Variants in NBAS observed in about 807,000 individuals in gnomAD.
NBAS encodes NAG/BC035112 fusion.
NBAS carries 219 observed loss-of-function variants against 302.5 expected under a neutral mutation model. That is an observed-to-expected ratio of 0.72 (90% confidence interval 0.65 to 0.81). NBAS has a LOEUF of 0.81. Among genes scored for constraint, NBAS ranks in the 30% least tolerant of loss-of-function variants. NBAS has a pLI of 0.00. For missense variants in NBAS, 2,932 were observed against 2,841.6 expected (o/e 1.03, Z -0.72); for synonymous variants, 1,118 against 1,021.6 (o/e 1.09, Z -1.80).
the NBAS span, among the ~76,000 whole-genome samples, chr2:15,002,701 G>T: frequency 1.3e-5 from 2 of 152,224 alleles, no homozygotes; most frequent in Non-Finnish European, 2.9e-5. Flanking sequence ...GCTAAGGCCC[G>T]GCCAGAAATC....
At chr2:15,430,288 C>G (rs950582993) in intron 21 of NBAS, among the ~76,000 whole-genome samples, 5 of 152,056 alleles carry the variant, frequency 3.3e-5, no homozygotes, top group Non-Finnish European at 5.9e-5. Flanking sequence ...TTAATCAAAA[C>G]AGATTTTCAC....
the NBAS span, among the ~76,000 whole-genome samples, chr2:15,116,881 A>T: frequency 6.6e-6 from 1 of 152,210 alleles, no homozygotes; most frequent in African/African-American, 2.4e-5. Flanking sequence ...TTTTTTAATC[A>T]GAAAAAAATC....
chr2:15,069,588 A>G, the NBAS span, among the ~76,000 whole-genome samples: 1 of 152,182 alleles, frequency 6.6e-6, no homozygotes, highest in African/African-American at 2.4e-5. Context: ...TAAAAGAGAT[A>G]GCAAAAATGG....
the NBAS span, among the ~76,000 whole-genome samples, chr2:14,840,546 A>G: frequency 6.6e-6 from 1 of 152,078 alleles, no homozygotes. Context: ...GAAGCAAATA[A>G]CACATAAAGG....
At chr2:15,224,897 C>A (rs1233496202) in intron 47 of NBAS, among the ~76,000 whole-genome samples, 3 of 152,152 alleles carry the variant, frequency 2.0e-5, no homozygotes, top group Non-Finnish European at 4.4e-5. Flanking sequence ...CAGACACTTC[C>A]CAGGAGAATG....
chr2:15,404,064 G>A (rs1291642990), intron 25 of NBAS, among the ~76,000 whole-genome samples: 1 of 151,934 alleles, frequency 6.6e-6, no homozygotes, highest in Non-Finnish European at 1.5e-5. Flanking sequence ...TTGTGTGCCA[G>A]GTACCATTTC....
At chr2:15,407,669 G>T (rs1676482357) in intron 25 of NBAS, among the ~76,000 whole-genome samples, 1 of 152,076 alleles carries the variant, frequency 6.6e-6, no homozygotes, top group Non-Finnish European at 1.5e-5. Context: ...ACCCTCAATG[G>T]CAATTACACA....
At chr2:14,895,050 A>C in the NBAS span, among the ~76,000 whole-genome samples, 1 of 152,080 alleles carries the variant, frequency 6.6e-6, no homozygotes, top group Non-Finnish European at 1.5e-5. Context: ...GCGAGACTCC[A>C]ACTCAAAAAC....
intron 38 of NBAS, among the ~76,000 whole-genome samples, chr2:15,316,546 T>C (rs1671519163): frequency 1.3e-5 from 2 of 152,236 alleles, no homozygotes; most frequent in South Asian, 4.1e-4. Context: ...CTCAAGGTCT[T>C]AGCAACCGGC....
chr2:15,379,700 C>A lies in NBAS; in HGVS notation c.3492G>T (p.Arg1164Ser). The A allele has an allele frequency of 2.5e-6, 4 of 1,613,898 alleles. No homozygotes were observed. The highest frequency in any genetic ancestry group is 2.5e-6 in the Non-Finnish European group (3 of 1,179,978). Residue 1164 changes from arginine to serine, a missense_variant, in exon 30 of 52, where the codon AGG (arginine) becomes AGT (serine). Physicochemically the swap from Arg to Ser is moderately radical, Grantham distance 110. Coordinates refer to ENST00000281513, the MANE Select transcript of NBAS (RefSeq NM_015909.4). Reference protein sequence around the residue: ...GIAHKGKPHYRVSYEKSIDLV... With the variant: ...GIAHKGKPHYSVSYEKSIDLV... ...AGTCAATACTCTTTTCGTAGCTGAC[C>A]CTGTAGTGGGGTTTCCCTTTATGGG...
At chr2:15,285,663 C>CT (rs1558503080) in intron 42 of NBAS, among the ~76,000 whole-genome samples, 1 of 151,962 alleles carries the variant, frequency 6.6e-6, no homozygotes, top group Non-Finnish European at 1.5e-5. Context: ...CCTATTTTTT[C>CT]TTTTTTTGAG....
chr2:15,248,391 G>T (rs1273507286), intron 44 of NBAS, among the ~76,000 whole-genome samples: 4 of 152,058 alleles, frequency 2.6e-5, no homozygotes, highest in Non-Finnish European at 2.9e-5. Context: ...ACAATTAAAA[G>T]AATTATTGAG....
intron 40 of NBAS, among the ~76,000 whole-genome samples, chr2:15,306,353 C>T (rs953721705): frequency 6.6e-6 from 1 of 152,216 alleles, no homozygotes; most frequent in Non-Finnish European, 1.5e-5. Flanking sequence ...AAGAATAAAG[C>T]ATTCCTGTTT....
rs199550996 is a variant in NBAS at position 15,488,914 on chromosome 2, C to T, written c.1063G>A (p.Glu355Lys). Residue 355 changes from glutamate to lysine, a missense_variant, in exon 12 of 52, where the codon GAA (glutamate) becomes AAA (lysine). By Grantham distance (56) the Glu-to-Lys change is moderately conservative. Coordinates refer to ENST00000281513, the MANE Select transcript of NBAS (RefSeq NM_015909.4). ...CGCACCTGCTCATTTTGACCCCATTCCCCTTGTTGCTTCAGAGATGGAATC... is the reference window on the plus strand; with the variant it reads ...CGCACCTGCTCATTTTGACCCCATTTCCCTTGTTGCTTCAGAGATGGAATC... ...WAIPSLKQQGEWGQNEQPGYD... is the reference protein window; with the variant it reads ...WAIPSLKQQGKWGQNEQPGYD... 1.5e-5 allele frequency: 24 copies of T among 1,613,726 alleles called. No homozygotes were observed. The highest frequency in any genetic ancestry group is 1.9e-5 in the Non-Finnish European group (23 of 1,179,802).
At chr2:15,438,846 T>C (rs1039761777) in intron 21 of NBAS, among the ~76,000 whole-genome samples, 1 of 151,964 alleles carries the variant, frequency 6.6e-6, no homozygotes, top group Non-Finnish European at 1.5e-5. Flanking sequence ...TGTGATGAAA[T>C]CACACAAGGA....
At chr2:15,243,593 T>A (rs1262660521) in intron 44 of NBAS, among the ~76,000 whole-genome samples, 3 of 150,800 alleles carry the variant, frequency 2.0e-5, no homozygotes, top group African/African-American at 7.3e-5. Flanking sequence ...AAAAAAAAGA[T>A]TAGAAAAATA....
chr2:15,425,042 T>TG (rs994955592), intron 22 of NBAS, among the ~76,000 whole-genome samples: 26 of 151,462 alleles, frequency 1.7e-4, no homozygotes, highest in Non-Finnish European at 2.9e-4. Context: ...CTATCAACTG[T>TG]GAAAAAAAAA....
intron 37 of NBAS, 48 bp downstream of exon 37, chr2:15,328,151 A>G (rs781405684): frequency 6.5e-7 from 1 of 1,545,094 alleles, no homozygotes; most frequent in Non-Finnish European, 8.9e-7. Context: ...TCTACTGTCT[A>G]CAACAGCATG....
In NBAS at chr2:15,269,564, T is replaced by C. The variant is rs556065864; in HGVS notation, c.5724+5920A>G. Among the ~76,000 whole-genome samples, 7 of 152,310 alleles carry C rather than the reference T, an allele frequency of 4.6e-5. No homozygotes were observed. The East Asian group carries it at 9.6e-4, about 21-fold the overall frequency. On this transcript the variant is annotated intron_variant, in intron 44 of 51. Transcript: ENST00000281513. ...ATTTTGGAAAACTTGGATCCACCACTGTAAGGCTGACAGCTTCCCAATACT... is the reference window on the plus strand; with the variant it reads ...ATTTTGGAAAACTTGGATCCACCACCGTAAGGCTGACAGCTTCCCAATACT...
Sources: allele counts gnomAD v4.1 joint callset (sites outside exome capture counted in the v4.1 genomes callset), GRCh38; gene constraint gnomAD v4.1.1; transcripts MANE v1.5; gene names NCBI Gene and HGNC (gene_info 2026-07-23, HGNC 2026-07-21).